HDAC9: variants seen among roughly 807,000 people sequenced by gnomAD.
HDAC9 encodes the protein histone deacetylase 9.
A neutral mutation model predicts 139.4 loss-of-function variants in HDAC9; 41 were observed. That is an observed-to-expected ratio of 0.29 (90% confidence interval 0.23 to 0.38). HDAC9 has a LOEUF of 0.38. Among genes scored for constraint, HDAC9 ranks in the 10% least tolerant of loss-of-function variants. HDAC9 has a pLI of 1.00. For missense variants in HDAC9, 1,147 were observed against 1,297.0 expected (o/e 0.88, Z 1.78); for synonymous variants, 517 against 476.2 (o/e 1.09, Z -1.12).
chr7:18,192,598 T>C lies in HDAC9; in HGVS notation c.25+30249T>C, dbSNP rs541269104. Among the ~76,000 whole-genome samples the C allele has an allele frequency of 2.2e-3, 337 of 152,246 alleles. 2 individuals carry two copies. The highest frequency in any genetic ancestry group is 7.8e-3 in the African/African-American group (325 of 41,558). On this transcript the variant is annotated intron_variant, in intron 2 of 12. Coordinates refer to the HDAC9 transcript ENST00000417496. The stretch of plus-strand genomic sequence containing the variant: ...AGGAATTTGCTTTTGGAAATGTCAT[T>C]AAGGATATAGTATTTGGGGATGGTA...
chr7:18,686,922 A>G (rs1416993747), intron 12 of HDAC9, among the ~76,000 whole-genome samples: 1 of 151,862 alleles, frequency 6.6e-6, no homozygotes, highest in Non-Finnish European at 1.5e-5. Context: ...TAAATATTGG[A>G]CATGGTCCCG....
At chr7:18,447,784 C>T (rs968217614) in intron 1 of HDAC9, among the ~76,000 whole-genome samples, 3 of 152,154 alleles carry the variant, frequency 2.0e-5, no homozygotes, top group Non-Finnish European at 4.4e-5. Context: ...ACTCCTTTGG[C>T]TCCTATAGTG....
intron 1 of HDAC9, among the ~76,000 whole-genome samples, chr7:18,089,643 CCTTT>C (rs1482123498): frequency 2.0e-5 from 3 of 151,940 alleles, no homozygotes; most frequent in African/African-American, 4.8e-5. Flanking sequence ...ATGTAGCTTT[CCTTT>C]CTTTTTATTA....
intron 1 of HDAC9, among the ~76,000 whole-genome samples, chr7:18,434,325 A>G (rs1292640975): frequency 6.6e-6 from 1 of 152,242 alleles, no homozygotes; most frequent in Non-Finnish European, 1.5e-5. Flanking sequence ...AGGAAATACC[A>G]TTCTGGGCAT....
chr7:18,239,439 A>T (rs945288636), intron 2 of HDAC9, among the ~76,000 whole-genome samples: 2 of 152,170 alleles, frequency 1.3e-5, no homozygotes, highest in African/African-American at 4.8e-5. Flanking sequence ...GAAGGCTTTC[A>T]GTCATCAGGG....
intron 17 of HDAC9, among the ~76,000 whole-genome samples, chr7:18,796,778 T>C (rs1259278238): frequency 6.6e-6 from 1 of 152,172 alleles, no homozygotes; most frequent in African/African-American, 2.4e-5. Context: ...GACATAGAAA[T>C]AGCTCTAAAA....
chr7:18,805,817 C>T (rs915024157), intron 17 of HDAC9, among the ~76,000 whole-genome samples: 6 of 152,196 alleles, frequency 3.9e-5, no homozygotes, highest in East Asian at 1.9e-4. Flanking sequence ...ATTGCTAATC[C>T]AGTCTTTATG....
intron 1 of HDAC9, among the ~76,000 whole-genome samples, chr7:18,297,822 A>G (rs1422575587): frequency 2.0e-5 from 3 of 152,136 alleles, no homozygotes; most frequent in South Asian, 4.1e-4. Context: ...TTGGTCCTAC[A>G]TTTCTTCATC....
intron 1 of HDAC9, among the ~76,000 whole-genome samples, chr7:18,343,361 T>C (rs1002681415): frequency 1.3e-5 from 2 of 151,860 alleles, no homozygotes; most frequent in Non-Finnish European, 2.9e-5. Flanking sequence ...GTATTTAAAA[T>C]GTCCAAGGAA....
chr7:18,638,107 T>A (rs1784472245), intron 8 of HDAC9, among the ~76,000 whole-genome samples: 1 of 152,072 alleles, frequency 6.6e-6, no homozygotes, highest in African/African-American at 2.4e-5. Context: ...GTTTACAAAA[T>A]TGGCTTATTT....
intron 1 of HDAC9, among the ~76,000 whole-genome samples, chr7:18,108,137 C>G (rs1355777895): frequency 6.6e-6 from 1 of 152,146 alleles, no homozygotes; most frequent in Non-Finnish European, 1.5e-5. Flanking sequence ...TATCCTAGAA[C>G]CTGTTAGTCC....
rs199843129 is a variant in HDAC9, at chr7:18,535,343, GTTC to G, written c.22+39022_22+39024del. ...TGATATAATAAATATTATTGTTGAT[GTTC>G]TTATTATTATTTATAATATGAAATA... On this transcript the variant is annotated intron_variant, in intron 2 of 25. Transcript: ENST00000686413. 3.9e-3 allele frequency among the ~76,000 whole-genome samples: 590 copies of G among 151,866 alleles called. 5 individuals are homozygous for G. The highest frequency in any genetic ancestry group is 0.013 in the African/African-American group (531 of 41,462).
intron 1 of HDAC9, among the ~76,000 whole-genome samples, chr7:18,396,312 G>C (rs1168323187): frequency 1.3e-5 from 2 of 152,016 alleles, no homozygotes; most frequent in Admixed American, 6.6e-5. Flanking sequence ...CAATAAATAG[G>C]CTAAAAAACT....
intron 1 of HDAC9, among the ~76,000 whole-genome samples, chr7:18,415,828 A>G (rs984246067): frequency 2.6e-5 from 4 of 152,176 alleles, no homozygotes; most frequent in African/African-American, 7.2e-5. Context: ...GTATGGGATT[A>G]CTATTGTTAT....
intron 2 of HDAC9, among the ~76,000 whole-genome samples, chr7:18,497,910 T>G (rs1271001486): frequency 6.6e-6 from 1 of 152,168 alleles, no homozygotes; most frequent in Non-Finnish European, 1.5e-5. Context: ...CTTTGCTTTT[T>G]TCTCCACATC....
At chr7:18,995,462 T>TAAAAACTATTTACACACTACC (rs1333397373) in intron 25 of HDAC9, among the ~76,000 whole-genome samples, 1 of 152,244 alleles carries the variant, frequency 6.6e-6, no homozygotes, top group Non-Finnish European at 1.5e-5. Flanking sequence ...TGATGCCGAA[T>TAAAAACTATTTACACACTACC]AAAAACTATT....
At chr7:18,379,403 CTGTT>C (rs1187325470) in intron 1 of HDAC9, among the ~76,000 whole-genome samples, 2 of 152,172 alleles carry the variant, frequency 1.3e-5, no homozygotes, top group East Asian at 3.8e-4. Flanking sequence ...TATGAGAAAT[CTGTT>C]TGTATTGTGA....
intron 1 of HDAC9, among the ~76,000 whole-genome samples, chr7:18,406,592 A>G (rs1224533336): frequency 2.6e-5 from 4 of 152,016 alleles, no homozygotes; most frequent in Middle Eastern, 6.8e-3. Flanking sequence ...ACGGGGTTTC[A>G]CCGTGTTAGG....
chr7:18,470,110 G>A (rs1467462215), intron 1 of HDAC9, among the ~76,000 whole-genome samples: 1 of 152,076 alleles, frequency 6.6e-6, no homozygotes, highest in East Asian at 1.9e-4. Flanking sequence ...GGCCAAGGTA[G>A]GAGGACCCCT....
Sources: allele counts gnomAD v4.1 joint callset (sites outside exome capture counted in the v4.1 genomes callset), GRCh38; gene constraint gnomAD v4.1.1; transcripts MANE v1.5; gene names NCBI Gene and HGNC (gene_info 2026-07-23, HGNC 2026-07-21).